The following ACADSB variants were observed in gnomAD, a reference collection of about 807,000 sequenced individuals.
ACADSB encodes the protein acyl-CoA dehydrogenase short/branched chain.
ACADSB carries 40 observed loss-of-function variants against 54.1 expected under a neutral mutation model. That is an observed-to-expected ratio of 0.74 (90% CI 0.57 to 0.96). The LOEUF (loss-of-function observed/expected upper bound fraction) is 0.96, where lower values mean the gene tolerates loss of function less well. Among genes scored for constraint, ACADSB ranks in the 40% least tolerant of loss-of-function variants. ACADSB has a pLI of 0.00. For synonymous variants in ACADSB, 182 were observed against 182.8 expected, an observed-to-expected ratio of 1.00 and a Z score of 0.03; for missense variants, 530 against 510.4, an observed-to-expected ratio of 1.04 and a Z score of -0.37.
rs1850699937 is a variant in ACADSB at position 123,055,747 on chromosome 10, T to C, written c.*1982T>C. ...GGAGAAATTGGCCAACACAAAAGGG[T>C]AACAGGGCCCATGCAAGTCCAAAAT... On this transcript the variant is annotated 3_prime_UTR_variant, in exon 11 of 11. Coordinates refer to ENST00000358776, the MANE Select transcript of ACADSB (RefSeq NM_001609.4). 6.6e-6 allele frequency: 1 copy of C among 151,978 alleles called. No individual in the cohort carries two copies. The highest frequency in any genetic ancestry group is 1.5e-5 in the Non-Finnish European group (1 of 68,000). The allele number at this position is 151,978 out of a possible 1,614,324, so 9.4% of individuals were successfully genotyped here.
chr10:123,018,359 T>G (rs1404037335), intron 1 of ACADSB, among the ~76,000 whole-genome samples: 2 of 152,206 alleles, frequency 1.3e-5, no homozygotes, highest in African/African-American at 4.8e-5. Flanking sequence ...TTGTGTCTTG[T>G]CTTGGCTTAT....
At chr10:123,051,565 A>G (rs1455215510) in intron 9 of ACADSB, among the ~76,000 whole-genome samples, 2 of 152,176 alleles carry the variant, frequency 1.3e-5, no homozygotes, top group Non-Finnish European at 2.9e-5. Context: ...CTATGGTGTC[A>G]AGTTCGGGCA....
intron 1 of ACADSB, among the ~76,000 whole-genome samples, chr10:123,033,325 C>T (rs1025338709): frequency 1.3e-5 from 2 of 152,218 alleles, no homozygotes; most frequent in African/African-American, 4.8e-5. Context: ...GAGTGACCAA[C>T]ATGCAGCAAA....
intron 1 of ACADSB, among the ~76,000 whole-genome samples, chr10:123,032,692 T>A (rs977346845): frequency 1.3e-5 from 2 of 150,314 alleles, no homozygotes; most frequent in Admixed American, 6.7e-5. Context: ...TGGGTTCAAG[T>A]GATTCTCCTG....
chr10:123,024,767 C>CA (rs1850228353), intron 1 of ACADSB, among the ~76,000 whole-genome samples: 1 of 152,248 alleles, frequency 6.6e-6, no homozygotes, highest in Non-Finnish European at 1.5e-5. Flanking sequence ...CCCAAGCAGG[C>CA]AGCTCAAGGG....
rs761815166 is a variant in ACADSB at position 123,040,660 on chromosome 10, C to T, written c.498C>T (p.Leu166=). 13 of 1,612,734 alleles carry T rather than the reference C, an allele frequency of 8.1e-6. No individual in the cohort carries two copies. Among genetic ancestry groups the T allele is most frequent in the Non-Finnish European group, 1.1e-5 (13 of 1,178,898 alleles). The change falls in exon 4 of 11, where the codon CTC becomes CTT. Residue 166 remains leucine (L), a synonymous_variant. Coordinates refer to ENST00000358776, the MANE Select transcript of ACADSB (RefSeq NM_001609.4). ...EEQKATYLPQ[L]TTEKVGSFCL... Reference sequence around the variant, plus strand: ...AAAAGGCCACCTATTTGCCTCAGCTCACTACAGAAAAAGTGAGTTGAGATG... The same window carrying T: ...AAAAGGCCACCTATTTGCCTCAGCTTACTACAGAAAAAGTGAGTTGAGATG...
chr10:123,034,308 A>G (rs928440544), intron 1 of ACADSB, 48 bp from the exon 2 acceptor site: 4 of 1,583,798 alleles, frequency 2.5e-6, no homozygotes, highest in Non-Finnish European at 3.5e-6. Flanking sequence ...ATTCCCAAAG[A>G]AAATGATATT....
intron 1 of ACADSB, among the ~76,000 whole-genome samples, chr10:123,010,432 T>C (rs1480774390): frequency 6.6e-6 from 1 of 152,236 alleles, no homozygotes; most frequent in Non-Finnish European, 1.5e-5. Flanking sequence ...TGGCTTATAG[T>C]CCTTTATAGT....
At chr10:123,030,299 G>A (rs1328267868) in intron 1 of ACADSB, among the ~76,000 whole-genome samples, 1 of 152,140 alleles carries the variant, frequency 6.6e-6, no homozygotes, top group Non-Finnish European at 1.5e-5. Context: ...GCCGAGATGG[G>A]CGGATCACTT....
intron 1 of ACADSB, among the ~76,000 whole-genome samples, chr10:123,018,234 GA>G (rs1850134034): frequency 6.6e-6 from 1 of 152,130 alleles, no homozygotes; most frequent in African/African-American, 2.4e-5. Context: ...TTTGAAAATA[GA>G]AGTGAGTGTC....
intron 6 of ACADSB, 147 bp downstream of exon 6, chr10:123,043,318 T>A (rs1218665063): frequency 1.9e-6 from 2 of 1,034,776 alleles, no homozygotes; most frequent in Non-Finnish European, 2.9e-6. Context: ...ACAGCGCTCT[T>A]TAGTCATGAC....
intron 6 of ACADSB, among the ~76,000 whole-genome samples, chr10:123,043,579 A>C (rs1358107182): frequency 1.3e-5 from 2 of 152,208 alleles, no homozygotes; most frequent in African/African-American, 4.8e-5. Flanking sequence ...AAACGTGAGC[A>C]GCAGAAGATC....
intron 1 of ACADSB, among the ~76,000 whole-genome samples, chr10:123,022,114 C>T (rs920135902): frequency 6.6e-6 from 1 of 152,178 alleles, no homozygotes; most frequent in East Asian, 1.9e-4. Flanking sequence ...GGCTTTTAAC[C>T]ATAATGCTCT....
At chr10:123,022,013 T>C (rs1850190953) in intron 1 of ACADSB, among the ~76,000 whole-genome samples, 1 of 152,060 alleles carries the variant, frequency 6.6e-6, no homozygotes, top group South Asian at 2.1e-4. Flanking sequence ...TAAAAAAAGC[T>C]TCTTTCCAGC....
In ACADSB at chr10:123,057,117, A is replaced by C. The variant is rs1478635451; in HGVS notation, c.*3352A>C. ...TGTGAAAGAGGTGGACTTTACAGAT[A>C]ATGGAGCAGAAGCCAACATTAGTAA... is the stretch of plus-strand genomic sequence containing the variant. On this transcript the variant is annotated 3_prime_UTR_variant, in exon 11 of 11. Transcript: ENST00000358776. The C allele has an allele frequency of 6.6e-6, 1 of 152,488 alleles. No homozygotes were observed. Among genetic ancestry groups the C allele is most frequent in the African/African-American group, 2.4e-5 (1 of 41,456 alleles). The allele number at this position is 152,488 out of a possible 1,614,324, so 9.4% of individuals were successfully genotyped here.
intron 1 of ACADSB, among the ~76,000 whole-genome samples, chr10:123,031,816 T>C (rs17104491): frequency 0.15 from 22,645 of 152,216 alleles, 1,793 homozygotes; most frequent in Middle Eastern, 0.22. Context: ...TCTCTGTTAT[T>C]GTGTCTATGA....
At chr10:123,030,061 C>G (rs1355927068) in intron 1 of ACADSB, among the ~76,000 whole-genome samples, 1 of 152,152 alleles carries the variant, frequency 6.6e-6, no homozygotes, top group African/African-American at 2.4e-5. Flanking sequence ...CTCTCATAAC[C>G]TAATCACCTC....
At chr10:123,014,926 G>A (rs1850092284) in intron 1 of ACADSB, among the ~76,000 whole-genome samples, 2 of 152,210 alleles carry the variant, frequency 1.3e-5, no homozygotes, top group Admixed American at 1.3e-4. Flanking sequence ...CAGAAGGGTG[G>A]AATGGGTTCA....
intron 1 of ACADSB, among the ~76,000 whole-genome samples, chr10:123,021,940 T>A (rs1449195123): frequency 6.6e-6 from 1 of 152,094 alleles, no homozygotes; most frequent in African/African-American, 2.4e-5. Flanking sequence ...GGGCCTCTCA[T>A]GTGTGCATTA....
Sources: allele counts gnomAD v4.1 joint callset (sites outside exome capture counted in the v4.1 genomes callset), GRCh38; gene constraint gnomAD v4.1.1; transcripts MANE v1.5; gene names NCBI Gene and HGNC (gene_info 2026-07-23, HGNC 2026-07-21).